Variants in FSTL5 observed in about 807,000 individuals in gnomAD.
FSTL5 encodes follistatin like 5.
A neutral mutation model predicts 89.1 loss-of-function variants in FSTL5; 62 were observed. The ratio of observed to expected loss-of-function variants is 0.70; its 90% CI spans 0.57 to 0.86. The LOEUF is 0.86. Among genes scored for constraint, FSTL5 ranks in the 40% least tolerant of loss-of-function variants. The pLI, the probability that FSTL5 is intolerant of heterozygous loss-of-function variation, is 0.00. For synonymous variants in FSTL5, 383 were observed against 346.2 expected, an observed-to-expected ratio of 1.11 and a Z score of -1.18; for missense variants, 1,057 against 1,001.6, an observed-to-expected ratio of 1.06 and a Z score of -0.75.
intron 4 of FSTL5, among the ~76,000 whole-genome samples, chr4:161,865,215 G>T (rs939333484): frequency 1.3e-5 from 2 of 151,956 alleles, no homozygotes; most frequent in South Asian, 4.2e-4. Flanking sequence ...CCACAAAATC[G>T]CAGAAAACAA....
At chr4:161,887,476 C>T (rs1004143901) in intron 4 of FSTL5, among the ~76,000 whole-genome samples, 1 of 151,648 alleles carries the variant, frequency 6.6e-6, no homozygotes, top group African/African-American at 2.4e-5. Flanking sequence ...GTCTGTTTTT[C>T]TATCTACTTC....
intron 2 of FSTL5, among the ~76,000 whole-genome samples, chr4:162,088,781 G>A (rs1441845971): frequency 6.6e-6 from 1 of 152,070 alleles, no homozygotes; most frequent in African/African-American, 2.4e-5. Flanking sequence ...AACTATAAAT[G>A]AGTAACATTT....
chr4:162,063,052 C>T (rs1738774170), intron 2 of FSTL5, among the ~76,000 whole-genome samples: 1 of 151,732 alleles, frequency 6.6e-6, no homozygotes, highest in Non-Finnish European at 1.5e-5. Flanking sequence ...AATACCTTAT[C>T]TCAATATCCT....
intron 6 of FSTL5, among the ~76,000 whole-genome samples, chr4:161,698,813 G>A (rs1422796807): frequency 6.6e-6 from 1 of 152,066 alleles, no homozygotes; most frequent in Non-Finnish European, 1.5e-5. Context: ...AGCAGGGCCT[G>A]GTGGTATGTG....
At chr4:161,837,143 G>A (rs1051641219) in intron 4 of FSTL5, among the ~76,000 whole-genome samples, 63 of 152,048 alleles carry the variant, frequency 4.1e-4, no homozygotes, top group Admixed American at 1.3e-4. Flanking sequence ...AAAAAGAGTG[G>A]AAAATTCTTT....
intron 3 of FSTL5, among the ~76,000 whole-genome samples, chr4:162,019,965 T>A (rs1737025838): frequency 6.7e-6 from 1 of 150,204 alleles, no homozygotes; most frequent in African/African-American, 2.4e-5. Context: ...TATATATATA[T>A]AAGACAGATA....
intron 6 of FSTL5, among the ~76,000 whole-genome samples, chr4:161,705,283 G>T (rs1292916704): frequency 1.3e-5 from 2 of 151,944 alleles, no homozygotes; most frequent in Non-Finnish European, 2.9e-5. Context: ...CGTTAAAATG[G>T]ACTAAACCTG....
chr4:161,691,285 A>G (rs1737932565), intron 6 of FSTL5, among the ~76,000 whole-genome samples: 1 of 152,062 alleles, frequency 6.6e-6, no homozygotes, highest in Non-Finnish European at 1.5e-5. Context: ...AGAAATATTT[A>G]TTGAGACCAT....
intron 4 of FSTL5, among the ~76,000 whole-genome samples, chr4:161,890,857 T>G (rs770798656): frequency 3.3e-5 from 5 of 152,178 alleles, no homozygotes; most frequent in Admixed American, 3.3e-4. Flanking sequence ...ATTCACCTTC[T>G]GTGTCCATTT....
chr4:161,705,143 T>C (rs1387709597), intron 6 of FSTL5, among the ~76,000 whole-genome samples: 3 of 152,064 alleles, frequency 2.0e-5, no homozygotes, highest in Admixed American at 6.6e-5. Flanking sequence ...ACTCCTCAAA[T>C]ACAAGAATAA....
At chr4:161,943,777 G>C (rs140295021) in intron 3 of FSTL5, among the ~76,000 whole-genome samples, 12 of 151,678 alleles carry the variant, frequency 7.9e-5, no homozygotes, top group Non-Finnish European at 1.8e-4. Context: ...GCATGGTCTC[G>C]ATCTCCTGAC....
chr4:161,688,898 T>C (rs1737832265), intron 6 of FSTL5, among the ~76,000 whole-genome samples: 1 of 152,212 alleles, frequency 6.6e-6, no homozygotes, highest in Non-Finnish European at 1.5e-5. Context: ...ATTACATCAT[T>C]TGCAAATAAT....
chr4:162,031,193 T>C (rs1233915263), intron 3 of FSTL5, among the ~76,000 whole-genome samples: 6 of 152,130 alleles, frequency 3.9e-5, no homozygotes, highest in South Asian at 4.1e-4. Flanking sequence ...TATCATTACA[T>C]TGGGGTTGCT....
intron 1 of FSTL5, among the ~76,000 whole-genome samples, chr4:162,116,632 G>A (rs147041595): frequency 7.2e-4 from 110 of 152,270 alleles, no homozygotes; most frequent in Middle Eastern, 3.4e-3. Context: ...TTTCCCAGGC[G>A]GTGCTAGATA....
intron 4 of FSTL5, among the ~76,000 whole-genome samples, chr4:161,910,399 T>C (rs1560911429): frequency 6.6e-6 from 1 of 152,184 alleles, no homozygotes; most frequent in Non-Finnish European, 1.5e-5. Flanking sequence ...CCAAACTGTA[T>C]TGATTTCTAC....
At chr4:161,579,643 G>A (rs1733355227) in intron 8 of FSTL5, among the ~76,000 whole-genome samples, 1 of 151,610 alleles carries the variant, frequency 6.6e-6, no homozygotes, top group Non-Finnish European at 1.5e-5. Flanking sequence ...CTTGAACCTG[G>A]GAGGCAGAGG....
intron 2 of FSTL5, among the ~76,000 whole-genome samples, chr4:162,086,813 A>G (rs1467711222): frequency 3.9e-5 from 6 of 152,084 alleles, no homozygotes; most frequent in Non-Finnish European, 8.8e-5. Context: ...TTTTAGATTT[A>G]GAAAGAAGTT....
At chr4:161,620,974 A>G (rs899564776) in intron 7 of FSTL5, among the ~76,000 whole-genome samples, 1 of 145,824 alleles carries the variant, frequency 6.9e-6, no homozygotes, top group Non-Finnish European at 1.5e-5. Context: ...CTAGAATAAC[A>G]CAAGTAATAG....
chr4:161,554,227 T>C (rs1349300736), intron 8 of FSTL5, among the ~76,000 whole-genome samples: 3 of 151,472 alleles, frequency 2.0e-5, no homozygotes, highest in African/African-American at 7.2e-5. Context: ...TGTCTTATGA[T>C]GATAGTAGGA....
Sources: gnomAD v4.1 joint callset for allele counts (sites outside exome capture counted in the v4.1 genomes callset) on GRCh38, gnomAD v4.1.1 for gene constraint, MANE v1.5 for transcripts, NCBI Gene and HGNC (gene_info 2026-07-23, HGNC 2026-07-21) for gene names.